The following SERPINB12 variants were observed in gnomAD, a reference collection of about 807,000 sequenced individuals.
SERPINB12 encodes serpin B12.
In SERPINB12, 57 loss-of-function variants were observed where a neutral mutation model predicts 41.1. The ratio of observed to expected loss-of-function variants is 1.39; its 90% CI spans 1.12 to 1.73. SERPINB12 has a LOEUF of 1.73. Among genes scored for constraint, SERPINB12 ranks in the 40% most tolerant of loss-of-function variants. The pLI is 0.00. For missense variants in SERPINB12, 536 were observed against 501.9 expected (o/e 1.07, Z -0.65); for synonymous variants, 180 against 181.3 (o/e 0.99, Z 0.06).
At chr18:63,556,381 A>G (rs1057382515) in intron 2 of SERPINB12, 54 bp downstream of exon 2, 5 of 1,544,822 alleles carry the variant, frequency 3.2e-6, no homozygotes, top group Non-Finnish European at 4.4e-6. Context: ...TCCACACTCA[A>G]AGTCAGACCC....
intron 7 of SERPINB12, among the ~76,000 whole-genome samples, chr18:63,566,107 G>T (rs993989125): frequency 1.3e-5 from 2 of 152,144 alleles, no homozygotes; most frequent in African/African-American, 4.8e-5. Context: ...GTCCAGGGGG[G>T]TAAAGAGATA....
At chr18:63,558,512 TG>T (rs771779057) in intron 3 of SERPINB12, 26 bp downstream of exon 3, 3 of 1,587,500 alleles carry the variant, frequency 1.9e-6, no homozygotes, top group Admixed American at 3.8e-5. Flanking sequence ...AGAAAACTCT[TG>T]CCTTTCTTTT....
chr18:63,551,687 T>A (rs534847123), intron 1 of SERPINB12, among the ~76,000 whole-genome samples: 42 of 152,318 alleles, frequency 2.8e-4, no homozygotes, highest in Admixed American at 1.7e-3. Flanking sequence ...GTACATATTT[T>A]AAAAAAATTC....
chr18:63,556,057 A>G (rs955623116), intron 1 of SERPINB12, 85 bp from the exon 2 acceptor site: 3 of 958,650 alleles, frequency 3.1e-6, no homozygotes, highest in South Asian at 3.1e-5. Context: ...GCATGATTGT[A>G]TTTCAGGTAT....
At chr18:63,562,142 G>T (rs1466507942) in intron 5 of SERPINB12, among the ~76,000 whole-genome samples, 1 of 152,114 alleles carries the variant, frequency 6.6e-6, no homozygotes, top group Non-Finnish European at 1.5e-5. Flanking sequence ...CGGGAAAGGA[G>T]GACACCAGCC....
At chr18:63,531,342 A>T in the SERPINB12 span, among the ~76,000 whole-genome samples, 1 of 152,232 alleles carries the variant, frequency 6.6e-6, no homozygotes, top group African/African-American at 2.4e-5. Context: ...GAAACGTCAA[A>T]GACCTGGGCC....
In SERPINB12 at chr18:63,556,347, C is replaced by T; in HGVS notation, c.168+20C>T. 1 of 1,608,786 alleles carries T rather than the reference C, an allele frequency of 6.2e-7. No individual in the cohort carries two copies. Among genetic ancestry groups the T allele is most frequent in the East Asian group, 2.2e-5 (1 of 44,808 alleles). On this transcript the variant is annotated intron_variant, in intron 2 of 7. Transcript: ENST00000382768. ...GATGAGGTACGTGTCCACTAGGGTGCTACACAGGGTCCTAAACTCTGGGTC... is the reference window on the plus strand; with the variant it reads ...GATGAGGTACGTGTCCACTAGGGTGTTACACAGGGTCCTAAACTCTGGGTC...
rs8094709 is a variant in SERPINB12 at position 63,545,386 on chromosome 18, G to C, written c.-19+2894G>C. The stretch of plus-strand genomic sequence containing the variant: ...ATGTGTAAAGTACCAAATGCAGCTT[G>C]ACATTTAGTAAGTGCTCAAGAAATT... On this transcript the variant is annotated intron_variant, in intron 1 of 7. Transcript: ENST00000382768. 3.9e-3 allele frequency among the ~76,000 whole-genome samples: 591 copies of C among 152,178 alleles called. 2 individuals are homozygous for C. The highest frequency in any genetic ancestry group is 0.014 in the African/African-American group (562 of 41,524).
chr18:63,530,840 C>T, the SERPINB12 span, among the ~76,000 whole-genome samples: 22 of 152,182 alleles, frequency 1.4e-4, no homozygotes, highest in Admixed American at 7.9e-4. Flanking sequence ...AGGGGGAGAA[C>T]GAATTGGGAA....
chr18:63,564,847 T>C (rs1009708039), intron 6 of SERPINB12, among the ~76,000 whole-genome samples: 9 of 152,120 alleles, frequency 5.9e-5, no homozygotes, highest in African/African-American at 2.2e-4. Flanking sequence ...ACAGTGGAGA[T>C]GCTTTGATAG....
At chr18:63,530,404 C>T in the SERPINB12 span, among the ~76,000 whole-genome samples, 1 of 152,170 alleles carries the variant, frequency 6.6e-6, no homozygotes, top group African/African-American at 2.4e-5. Context: ...AGGAATGCCA[C>T]ATGATGCCCA....
At chr18:63,561,517 G>A (rs915789158) in intron 5 of SERPINB12, among the ~76,000 whole-genome samples, 17 of 152,166 alleles carry the variant, frequency 1.1e-4, no homozygotes, top group African/African-American at 3.6e-4. Flanking sequence ...GCTGTCATTC[G>A]ACCCAGCAAT....
the SERPINB12 span, among the ~76,000 whole-genome samples, chr18:63,533,352 A>T: frequency 6.6e-6 from 1 of 152,190 alleles, no homozygotes; most frequent in African/African-American, 2.4e-5. Context: ...CCTGACTATG[A>T]TATTCAATCA....
intron 3 of SERPINB12, among the ~76,000 whole-genome samples, chr18:63,559,010 C>CTTTCT (rs1910784669): frequency 1.8e-5 from 1 of 55,406 alleles, no homozygotes; most frequent in African/African-American, 5.0e-5. Context: ...TTCCTTCTTT[C>CTTTCT]TTTCTTTCTT....
At chr18:63,544,683 G>A (rs922201706) in intron 1 of SERPINB12, among the ~76,000 whole-genome samples, 1 of 152,080 alleles carries the variant, frequency 6.6e-6, no homozygotes, top group South Asian at 2.1e-4. Context: ...AAAGAACTAA[G>A]GGCTTTGGAT....
At chr18:63,559,797 C>A in intron 4 of SERPINB12, 79 bp downstream of exon 4, 2 of 1,443,652 alleles carry the variant, frequency 1.4e-6, no homozygotes, top group Non-Finnish European at 1.9e-6. Flanking sequence ...GGTTACTCAC[C>A]TGCCATCTAG....
intron 5 of SERPINB12, 78 bp from the exon 6 acceptor site, chr18:63,563,896 CAAAA>C (rs72103593): frequency 1.5e-4 from 153 of 1,035,406 alleles, no homozygotes; most frequent in East Asian, 4.0e-4. Flanking sequence ...AACTCTGTCT[CAAAA>C]AAAAAAAAAA....
chr18:63,548,157 A>G (rs911552001), intron 1 of SERPINB12, among the ~76,000 whole-genome samples: 2 of 152,072 alleles, frequency 1.3e-5, no homozygotes, highest in African/African-American at 4.8e-5. Context: ...TTAGAGGGAG[A>G]GGTTGGAGGA....
In SERPINB12 at chr18:63,566,874, G is replaced by A; in HGVS notation, c.1141G>A (p.Ala381Thr). The A allele has an allele frequency of 6.2e-7, 1 of 1,614,190 alleles. No individual in the cohort carries two copies. The highest frequency in any genetic ancestry group is 8.5e-7 in the Non-Finnish European group (1 of 1,180,018). ...EVDENGTQAAAATGAVVSERS... is the reference protein window; with the variant it reads ...EVDENGTQAATATGAVVSERS... ...GGATGAAAACGGTACCCAGGCAGCT[G>A]CAGCCACTGGGGCTGTTGTCTCGGA... The change falls in exon 8 of 8, where the codon GCA becomes ACA. Residue 381 changes from alanine to threonine, a missense_variant. Coordinates refer to ENST00000382768, the MANE Select transcript of SERPINB12 (RefSeq NM_001307928.2).
Sources: gnomAD v4.1 joint callset for allele counts (sites outside exome capture counted in the v4.1 genomes callset) on GRCh38, gnomAD v4.1.1 for gene constraint, MANE v1.5 for transcripts, NCBI Gene and HGNC (gene_info 2026-07-23, HGNC 2026-07-21) for gene names.